The following TLE3 variants were observed in gnomAD, a reference collection of about 807,000 sequenced individuals.
TLE3 encodes the protein transducin-like enhancer protein 3.
In TLE3, 14 loss-of-function variants were observed where a neutral mutation model predicts 93.0. That is an observed-to-expected ratio of 0.15 (90% CI 0.10 to 0.24). TLE3 has a LOEUF of 0.24. TLE3 is among the 10% of genes least tolerant of loss of function. TLE3 has a pLI of 1.00. For synonymous variants in TLE3, 451 were observed against 425.0 expected, an observed-to-expected ratio of 1.06 and a Z score of -0.75; for missense variants, 693 against 1,046.6, an observed-to-expected ratio of 0.66 and a Z score of 4.66.
intron 4 of TLE3, among the ~76,000 whole-genome samples, chr15:70,080,403 T>C (rs1291639478): frequency 6.6e-6 from 1 of 152,102 alleles, no homozygotes; most frequent in Non-Finnish European, 1.5e-5. Flanking sequence ...AGGCGCTTTG[T>C]TGGTGGAAAA....
At chr15:70,060,128 G>A (rs2056368436) in intron 9 of TLE3, among the ~76,000 whole-genome samples, 1 of 152,254 alleles carries the variant, frequency 6.6e-6, no homozygotes, top group South Asian at 2.1e-4. Context: ...AGCCATGACT[G>A]GGTGGCCAAG....
At position 70,048,591 on chromosome 15, in the gene TLE3, A is replaced by G. The variant is rs889306000; in HGVS notation, c.*1506T>C. The G allele has an allele frequency of 5.9e-5, 9 of 152,232 alleles. No individual in the cohort carries two copies. Among genetic ancestry groups the G allele is most frequent in the Non-Finnish European group, 8.8e-5 (6 of 67,996 alleles). The allele number at this position is 152,232 out of a possible 1,614,324, so 9.4% of individuals were successfully genotyped here. On this transcript the variant is annotated 3_prime_UTR_variant, in exon 20 of 20. Coordinates refer to ENST00000451782, the MANE Select transcript of TLE3 (RefSeq NM_001105192.3). The stretch of plus-strand genomic sequence containing the variant: ...CTACATCCATGGAGAGCCTGCCACC[A>G]GGACTCACAGCGGCCTTTAGCTTTT...
intron 5 of TLE3, among the ~76,000 whole-genome samples, chr15:70,075,238 A>C (rs529644830): frequency 6.6e-6 from 1 of 152,362 alleles, no homozygotes; most frequent in East Asian, 1.9e-4. Context: ...CATCAGTTTC[A>C]ACAAATGTAC....
chr15:70,091,112 A>G (rs962897702), intron 4 of TLE3, among the ~76,000 whole-genome samples: 1 of 152,200 alleles, frequency 6.6e-6, no homozygotes, highest in Non-Finnish European at 1.5e-5. Context: ...CCGTTTCCTC[A>G]TCTGTAACTT....
rs761936175 is a variant in TLE3, at chr15:70,058,279, A to C, written c.931T>G (p.Ser311Ala). 1 of 1,608,690 alleles carries C rather than the reference A, an allele frequency of 6.2e-7. No individual in the cohort carries two copies. Among genetic ancestry groups the C allele is most frequent in the African/African-American group, 1.3e-5 (1 of 74,882 alleles). ...TKDLGHNDKSSTPGLKSNTPT... is the reference protein window; with the variant it reads ...TKDLGHNDKSATPGLKSNTPT... ...GTGTTGGACTTGAGCCCAGGGGTGG[A>C]GGATTTGTCGTTCTGAAGAGGGGAG... is the stretch of plus-strand genomic sequence containing the variant. Residue 311 changes from serine (S) to alanine (A), a missense_variant, in exon 12 of 20, where the codon TCC becomes GCC. This residue lies in a region of TLE3 where 405 missense variants were observed against 468.9 expected (regional missense o/e 0.86). Transcript: ENST00000451782. This position sits in a 1 kb window ranked among gnomAD's most constrained non-coding sequence, Gnocchi z 4.1.
chr15:70,079,067 G>T (rs919280528), intron 4 of TLE3, among the ~76,000 whole-genome samples: 1 of 152,000 alleles, frequency 6.6e-6, no homozygotes, highest in African/African-American at 2.4e-5. Flanking sequence ...TGAGGACAAC[G>T]GATCTCCCAG....
chr15:70,088,338 A>G (rs751185823), intron 4 of TLE3, among the ~76,000 whole-genome samples: 11 of 152,206 alleles, frequency 7.2e-5, no homozygotes, highest in Non-Finnish European at 1.3e-4. Context: ...CCCCGCTTAC[A>G]TGGCGGCAGG....
At chr15:70,064,025 A>G (rs1318937080) in intron 8 of TLE3, among the ~76,000 whole-genome samples, 2 of 152,186 alleles carry the variant, frequency 1.3e-5, no homozygotes, top group Non-Finnish European at 2.9e-5. Flanking sequence ...AGCCCCTCGC[A>G]ATGGAAGATC....
Position 70,096,277 on chromosome 15 carries a change from A to C in TLE3, c.25-16T>G. On this transcript the variant is annotated splice_polypyrimidine_tract_variant and intron_variant, in intron 1 of 19. Coordinates refer to ENST00000451782, the MANE Select transcript of TLE3 (RefSeq NM_001105192.3). ...GATGGGGAGCCTGGAGCCCGCGAAG[A>C]CAAGACAGGGGAGGGGGCGGGGGCA... 2 of 1,550,880 alleles carry C rather than the reference A, an allele frequency of 1.3e-6. No homozygotes were observed. Among genetic ancestry groups the C allele is most frequent in the Non-Finnish European group, 1.7e-6 (2 of 1,147,158 alleles).
intron 6 of TLE3, among the ~76,000 whole-genome samples, chr15:70,068,740 G>A (rs924942685): frequency 1.3e-5 from 2 of 152,142 alleles, no homozygotes; most frequent in African/African-American, 2.4e-5. Flanking sequence ...ATAGCTCCAC[G>A]CACCCTGACT....
chr15:70,097,866 G>A lies in TLE3; in HGVS notation c.-1068C>T, dbSNP rs1484826196. 6.1e-6 allele frequency: 2 copies of A among 325,310 alleles called. No individual in the cohort carries two copies. Among genetic ancestry groups the A allele is most frequent in the African/African-American group, 2.1e-5 (1 of 46,906 alleles). 20.2% of individuals were successfully genotyped at this position (325,310 alleles called of 1,614,324 possible). A position where few individuals can be genotyped will look rare whatever the true frequency, so the allele number is the denominator to read the frequency against. ...CGGATACCACACACAGACAGGCGAA[G>A]GGGACGAGCACGAGGTCTGAACTGC... On this transcript the variant is annotated 5_prime_UTR_variant, in exon 1 of 20. Coordinates refer to ENST00000451782, the MANE Select transcript of TLE3 (RefSeq NM_001105192.3).
intron 12 of TLE3, 41 bp from the exon 13 acceptor site, chr15:70,057,699 T>A: frequency 6.5e-6 from 10 of 1,539,364 alleles, no homozygotes; most frequent in Non-Finnish European, 8.7e-6. Flanking sequence ...CTTAGGTGGA[T>A]TGGGACATGG....
At chr15:70,064,892 G>C (rs940818114) in intron 7 of TLE3, among the ~76,000 whole-genome samples, 1 of 110,834 alleles carries the variant, frequency 9.0e-6, no homozygotes, top group African/African-American at 3.7e-5. Context: ...TGGGAGTTAA[G>C]AACTTTATTG....
chr15:70,076,181 T>G, intron 4 of TLE3, 23 bp from the exon 5 acceptor site: 1 of 1,612,538 alleles, frequency 6.2e-7, no homozygotes, highest in Non-Finnish European at 8.5e-7. Flanking sequence ...GGAGACCACA[T>G]GAAGCTCAGG....
Position 70,048,349 on chromosome 15 carries a change from G to A in TLE3, c.*1748C>T, listed in dbSNP as rs2055241777. The A allele has an allele frequency of 6.6e-6, 1 of 152,074 alleles. No individual in the cohort carries two copies. The highest frequency in any genetic ancestry group is 1.5e-5 in the Non-Finnish European group (1 of 68,054). 9.4% of individuals were successfully genotyped at this position (152,074 alleles called of 1,614,324 possible). A position where few individuals can be genotyped will look rare whatever the true frequency, so the allele number is the denominator to read the frequency against. On this transcript the variant is annotated 3_prime_UTR_variant, in exon 20 of 20. Coordinates refer to ENST00000451782, the MANE Select transcript of TLE3 (RefSeq NM_001105192.3). ...CAAGAGGTGGCAGATGGACATCTGA[G>A]ACCCAGAGAGACTCTGGACGCCCCA...
chr15:70,075,911 T>C (rs2057418022), intron 5 of TLE3, among the ~76,000 whole-genome samples, 185 bp downstream of exon 5: 2 of 152,110 alleles, frequency 1.3e-5, no homozygotes, highest in African/African-American at 4.8e-5. Context: ...GTCCCTCTGA[T>C]ATGGCCCCCT....
intron 17 of TLE3, 76 bp from the exon 18 acceptor site, chr15:70,052,600 C>T: frequency 2.0e-6 from 3 of 1,501,912 alleles, no homozygotes; most frequent in East Asian, 4.9e-5. Flanking sequence ...CCCAAAGGTG[C>T]TGCTCAGGTC....
intron 6 of TLE3, chr15:70,066,908 A>C (rs995121972): frequency 1.3e-5 from 5 of 388,462 alleles, no homozygotes; most frequent in Non-Finnish European, 2.1e-5. Context: ...GGGGCAGGTT[A>C]CTTCAAGTCC....
chr15:70,085,937 C>T (rs187187024), intron 4 of TLE3, among the ~76,000 whole-genome samples: 1 of 152,350 alleles, frequency 6.6e-6, no homozygotes, highest in East Asian at 1.9e-4. Flanking sequence ...GCTTTCTTCA[C>T]TGGAGAGAGA....
Sources: gnomAD v4.1 joint callset for allele counts (sites outside exome capture counted in the v4.1 genomes callset) on GRCh38, gnomAD v4.1.1 for gene constraint, gnomAD v4.1.1 regional missense constraint, Gnocchi (gnomAD v3.1) non-coding constraint, MANE v1.5 for transcripts, NCBI Gene and HGNC (gene_info 2026-07-23, HGNC 2026-07-21) for gene names.